USP53: variants seen among roughly 807,000 people sequenced by gnomAD.
The protein encoded by USP53 is ubiquitin carboxyl-terminal hydrolase 53.
USP53 carries 71 observed loss-of-function variants against 94.9 expected under a neutral mutation model. That is an observed-to-expected ratio of 0.75 (90% CI 0.62 to 0.91). USP53 has a LOEUF of 0.91. Ranked by LOEUF, USP53 falls within the 40% of genes least tolerant of loss-of-function variation. The pLI, the probability that USP53 is intolerant of heterozygous loss-of-function variation, is 0.00. For synonymous variants in USP53, 375 were observed against 422.7 expected (o/e 0.89, Z 1.39); for missense variants, 1,173 against 1,281.0 (o/e 0.92, Z 1.29).
chr4:119,215,579 G>C (rs111911831), intron 2 of USP53, among the ~76,000 whole-genome samples: 2 of 151,810 alleles, frequency 1.3e-5, no homozygotes, highest in Admixed American at 1.3e-4. Flanking sequence ...TTAGAATTGA[G>C]TTTTAATATA....
chr4:119,268,480 T>TA, intron 14 of USP53, 60 bp downstream of exon 14: 4 of 1,428,042 alleles, frequency 2.8e-6, no homozygotes, highest in Non-Finnish European at 3.8e-6. Context: ...TTTCTTCACT[T>TA]ATCGGAGGAT....
chr4:119,242,876 A>C (rs1561233120), intron 5 of USP53, among the ~76,000 whole-genome samples: 1 of 152,212 alleles, frequency 6.6e-6, no homozygotes, highest in East Asian at 1.9e-4. Context: ...ACAGACATTA[A>C]AATGTTTAGA....
In USP53 at chr4:119,238,522, G is replaced by A. The variant is rs149113468; in HGVS notation, c.-542-696G>A. Among the ~76,000 whole-genome samples, 755 of 152,264 alleles carry A rather than the reference G, an allele frequency of 5.0e-3. 1 individual carries two copies. The highest frequency in any genetic ancestry group is 8.6e-3 in the Non-Finnish European group (585 of 68,014). ...ATCACAGATCAGCATAACAGATACA[G>A]TAATAATGAAAAAGAATTACTGAAG... On this transcript the variant is annotated intron_variant, in intron 4 of 18. Coordinates refer to ENST00000692078, the MANE Select transcript of USP53 (RefSeq NM_001371395.1).
chr4:119,276,113 T>C (rs977817313), intron 17 of USP53, among the ~76,000 whole-genome samples: 2 of 101,634 alleles, frequency 2.0e-5, no homozygotes, highest in African/African-American at 6.1e-5. Context: ...CTAATTGTCC[T>C]GGCCAGAACT....
intron 2 of USP53, 82 bp downstream of exon 2, chr4:119,214,304 A>G (rs565879066): frequency 6.6e-6 from 1 of 152,272 alleles, no homozygotes; most frequent in African/African-American, 2.4e-5. Flanking sequence ...TCCTTGATAC[A>G]ATTTGTGCAG....
rs928102070 is a variant in USP53, at chr4:119,273,492, T to G, written c.2175-140T>G. On this transcript the variant is annotated intron_variant, in intron 16 of 18. Coordinates refer to ENST00000692078, the MANE Select transcript of USP53 (RefSeq NM_001371395.1). The stretch of plus-strand genomic sequence containing the variant: ...CTGTAAAATGAAGATAACAACTACT[T>G]TTAAGTATTAAATAATGTACATTAA... The G allele has an allele frequency of 2.2e-5, 12 of 535,874 alleles. No individual in the cohort carries two copies. In the Admixed American group the frequency reaches 4.0e-4, roughly 18 times the overall value. The allele number at this position is 535,874 out of a possible 1,614,324, so 33.2% of individuals were successfully genotyped here.
At chr4:119,283,122 T>G (rs972240048) in intron 17 of USP53, among the ~76,000 whole-genome samples, 1 of 151,932 alleles carries the variant, frequency 6.6e-6, no homozygotes, top group Non-Finnish European at 1.5e-5. Context: ...CTGCCTAAAG[T>G]TGTTATATTT....
intron 3 of USP53, among the ~76,000 whole-genome samples, chr4:119,224,999 C>A (rs911653274): frequency 2.6e-5 from 4 of 151,954 alleles, no homozygotes; most frequent in Non-Finnish European, 5.9e-5. Context: ...GAAAAAAAAT[C>A]AGTGAAATGA....
At chr4:119,226,832 A>C (rs1383023716) in intron 3 of USP53, among the ~76,000 whole-genome samples, 1 of 152,060 alleles carries the variant, frequency 6.6e-6, no homozygotes, top group Non-Finnish European at 1.5e-5. Flanking sequence ...TAATCAGTTA[A>C]TTTTTTGTTT....
chr4:119,250,485 C>T (rs1748828495), intron 7 of USP53, among the ~76,000 whole-genome samples: 1 of 152,190 alleles, frequency 6.6e-6, no homozygotes, highest in African/African-American at 2.4e-5. Flanking sequence ...TCAATAATGG[C>T]ACACACAGTA....
intron 17 of USP53, among the ~76,000 whole-genome samples, chr4:119,288,139 T>A (rs1754324810): frequency 1.3e-5 from 2 of 152,346 alleles, no homozygotes; most frequent in South Asian, 2.1e-4. Flanking sequence ...CTTATATAGG[T>A]TATGTCTATC....
At chr4:119,292,038 T>A (rs1437544304) in intron 18 of USP53, among the ~76,000 whole-genome samples, 1 of 152,110 alleles carries the variant, frequency 6.6e-6, no homozygotes, top group Non-Finnish European at 1.5e-5. Context: ...ATAAATGTAA[T>A]TTTAGTGTTT....
intron 6 of USP53, among the ~76,000 whole-genome samples, chr4:119,248,271 GA>G (rs1348285825): frequency 6.6e-6 from 1 of 151,838 alleles, no homozygotes; most frequent in Admixed American, 6.6e-5. Flanking sequence ...TCTCTTGTCT[GA>G]AATGCTCAGG....
chr4:119,261,008 G>A (rs1236456247), intron 11 of USP53, among the ~76,000 whole-genome samples: 1 of 132,438 alleles, frequency 7.6e-6, no homozygotes, highest in East Asian at 2.2e-4. Flanking sequence ...CACTCAGGCT[G>A]CAGTGCAGTG....
chr4:119,245,918 T>C (rs1321982667), intron 6 of USP53, among the ~76,000 whole-genome samples: 2 of 152,194 alleles, frequency 1.3e-5, no homozygotes, highest in African/African-American at 2.4e-5. Context: ...GAGTGTTGTA[T>C]AGGCAGGAAA....
intron 17 of USP53, among the ~76,000 whole-genome samples, chr4:119,281,353 A>G (rs984699682): frequency 6.6e-6 from 1 of 152,228 alleles, no homozygotes; most frequent in African/African-American, 2.4e-5. Flanking sequence ...TAAAAGAGCA[A>G]TGAACAGCAA....
rs1747255913 is a variant in USP53, at chr4:119,239,688, C to T, written c.-72C>T. ...GATTTAATTGGACAATTCAAGACAT[C>T]CATTTTATTGTCCAAAATATTACAT... On this transcript the variant is annotated 5_prime_UTR_variant, in exon 5 of 19. Transcript: ENST00000692078. The T allele has an allele frequency of 2.0e-6, 3 of 1,479,962 alleles. No individual in the cohort carries two copies. The highest frequency in any genetic ancestry group is 2.7e-6 in the Non-Finnish European group (3 of 1,103,424). The allele number at this position is 1,479,962 out of a possible 1,614,324, so 91.7% of individuals were successfully genotyped here.
chr4:119,254,539 C>T (rs1020087403), intron 7 of USP53, among the ~76,000 whole-genome samples: 12 of 152,254 alleles, frequency 7.9e-5, no homozygotes, highest in African/African-American at 2.6e-4. Context: ...GTATGCTTCA[C>T]GAAGTTCTCG....
Position 119,293,252 on chromosome 4 carries a change from T to C in USP53, c.*41T>C. The stretch of plus-strand genomic sequence containing the variant: ...GACCTGTGTTACATAATAATCTTGG[T>C]TCAAGCTGCCCTTCTGAACAAAGAT... On this transcript the variant is annotated 3_prime_UTR_variant, in exon 19 of 19. Coordinates refer to ENST00000692078, the MANE Select transcript of USP53 (RefSeq NM_001371395.1). 6.5e-7 allele frequency: 1 copy of C among 1,527,192 alleles called. No homozygotes were observed. Among genetic ancestry groups the C allele is most frequent in the South Asian group, 1.3e-5 (1 of 76,638 alleles). The allele number at this position is 1,527,192 out of a possible 1,614,324, so 94.6% of individuals were successfully genotyped here. A position where few individuals can be genotyped will look rare whatever the true frequency, so the allele number is the denominator to read the frequency against.
Sources: allele counts gnomAD v4.1 joint callset (sites outside exome capture counted in the v4.1 genomes callset), GRCh38; gene constraint gnomAD v4.1.1; transcripts MANE v1.5; gene names NCBI Gene and HGNC (gene_info 2026-07-23, HGNC 2026-07-21).